The following NRP1 variants were observed in gnomAD, a reference collection of about 807,000 sequenced individuals.
NRP1 encodes the protein neuropilin-1.
NRP1 carries 35 observed loss-of-function variants against 106.7 expected under a neutral mutation model. The observed-to-expected ratio is 0.33, with a 90% CI of 0.25 to 0.43. The LOEUF (loss-of-function observed/expected upper bound fraction) is 0.43. NRP1 is among the 20% of genes least tolerant of loss of function. The pLI is 1.00. For missense variants in NRP1, 1,024 were observed against 1,170.4 expected (o/e 0.87, Z 1.83); for synonymous variants, 437 against 417.9 (o/e 1.05, Z -0.56).
chr10:33,221,407 G>A (rs1258542694), intron 8 of NRP1, among the ~76,000 whole-genome samples: 1 of 152,088 alleles, frequency 6.6e-6, no homozygotes, highest in Non-Finnish European at 1.5e-5. Context: ...GCTGTGCTAC[G>A]TGCTTATATC....
intron 6 of NRP1, among the ~76,000 whole-genome samples, chr10:33,235,501 G>A (rs1161351560): frequency 6.6e-6 from 1 of 152,244 alleles, no homozygotes; most frequent in Non-Finnish European, 1.5e-5. Flanking sequence ...AAAACGCTCA[G>A]CTTATTTTAT....
intron 2 of NRP1, among the ~76,000 whole-genome samples, chr10:33,308,347 A>G (rs1441235711): frequency 6.6e-6 from 1 of 150,758 alleles, no homozygotes; most frequent in East Asian, 1.9e-4. Flanking sequence ...CTGTACACGT[A>G]CAGGTTTATA....
rs750905931 is a variant in NRP1, at chr10:33,249,084, G to GTTTTTTTTTTTTTTTTTTTTTTTTT, written c.981+4943_981+4944insAAAAAAAAAAAAAAAAAAAAAAAAA. On this transcript the variant is annotated intron_variant, in intron 6 of 16. Coordinates refer to ENST00000374867, the MANE Select transcript of NRP1 (RefSeq NM_003873.7). Reference sequence around the variant, plus strand: ...ATCCCACCCAGGTATTATGTCTCTTGTTTTTTTTTTTTTTTTTTTTTTTTG... The same window carrying GTTTTTTTTTTTTTTTTTTTTTTTTT: ...ATCCCACCCAGGTATTATGTCTCTTGTTTTTTTTTTTTTTTTTTTTTTTTTTTTTTTTTTTTTTTTTTTTTTTTTG... Among the ~76,000 whole-genome samples, 2 of 72,202 alleles carry GTTTTTTTTTTTTTTTTTTTTTTTTT rather than the reference G, an allele frequency of 2.8e-5. 1 individual carries two copies. Among genetic ancestry groups the GTTTTTTTTTTTTTTTTTTTTTTTTT allele is most frequent in the African/African-American group, 1.2e-4 (2 of 17,356 alleles). 47.4% of individuals were successfully genotyped at this position (72,202 alleles called of 152,430 possible).
intron 4 of NRP1, among the ~76,000 whole-genome samples, chr10:33,260,866 C>T (rs1588870240): frequency 6.6e-6 from 1 of 151,778 alleles, no homozygotes; most frequent in Admixed American, 6.6e-5. Flanking sequence ...GGTTAAAAGC[C>T]TTCCACGCCT....
chr10:33,274,174 A>G (rs1452227443), intron 2 of NRP1, among the ~76,000 whole-genome samples: 1 of 152,200 alleles, frequency 6.6e-6, no homozygotes, highest in Non-Finnish European at 1.5e-5. Flanking sequence ...GTACTTTGCC[A>G]CAGTTTCAAC....
chr10:33,300,444 G>A (rs1050199092), intron 2 of NRP1, among the ~76,000 whole-genome samples: 1 of 152,190 alleles, frequency 6.6e-6, no homozygotes, highest in African/African-American at 2.4e-5. Flanking sequence ...TTTCCAAAGA[G>A]TTCGAGTTCC....
chr10:33,277,902 A>C (rs892721399), intron 2 of NRP1, among the ~76,000 whole-genome samples: 1 of 151,356 alleles, frequency 6.6e-6, no homozygotes, highest in East Asian at 1.9e-4. Context: ...CTGTCTTCCA[A>C]TTTGCTCTCT....
chr10:33,250,688 C>T (rs1402304816), intron 6 of NRP1, among the ~76,000 whole-genome samples: 1 of 152,206 alleles, frequency 6.6e-6, no homozygotes, highest in African/African-American at 2.4e-5. Context: ...AGTGTTTACT[C>T]GTTTCTCTGA....
At chr10:33,264,107 C>T (rs1283977551) in intron 3 of NRP1, among the ~76,000 whole-genome samples, 1 of 152,180 alleles carries the variant, frequency 6.6e-6, no homozygotes, top group African/African-American at 2.4e-5. Context: ...TTAAAGACTT[C>T]TGCTGTTGCA....
intron 6 of NRP1, among the ~76,000 whole-genome samples, chr10:33,235,727 A>T (rs561792876): frequency 1.3e-5 from 2 of 152,366 alleles, no homozygotes; most frequent in South Asian, 4.1e-4. Context: ...GGAGAAAATG[A>T]AATGGTGCTG....
Position 33,266,392 on chromosome 10 carries a change from C to T in NRP1, c.431-2519G>A, listed in dbSNP as rs141839915. ...CACCCGCTGTGTAAACTTGGGTGGCCTCTCAACATTTCTGGTTCTCAAATT... is the reference window on the plus strand; with the variant it reads ...CACCCGCTGTGTAAACTTGGGTGGCTTCTCAACATTTCTGGTTCTCAAATT... On this transcript the variant is annotated intron_variant, in intron 3 of 16. Coordinates refer to ENST00000374867, the MANE Select transcript of NRP1 (RefSeq NM_003873.7). Among the ~76,000 whole-genome samples, 728 of 152,304 alleles carry T rather than the reference C, an allele frequency of 4.8e-3. 4 individuals carry two copies. Among genetic ancestry groups the T allele is most frequent in the African/African-American group, 0.017 (687 of 41,570 alleles).
chr10:33,192,614 C>T (rs372431219), intron 12 of NRP1, among the ~76,000 whole-genome samples, 196 bp from the exon 13 acceptor site: 66 of 152,216 alleles, frequency 4.3e-4, no homozygotes, highest in Middle Eastern at 6.8e-3. Context: ...TGCAAAACCA[C>T]ATTTAGTAAT....
At position 33,329,291 on chromosome 10, in the gene NRP1, T is replaced by C. The variant is rs557616069; in HGVS notation, c.248+1417A>G. Reference sequence around the variant, plus strand: ...AGATAAATTGGAATTGGTGTAATTTTGTTGCACTGTAGTATACACTGATTA... The same window carrying C: ...AGATAAATTGGAATTGGTGTAATTTCGTTGCACTGTAGTATACACTGATTA... On this transcript the variant is annotated intron_variant, in intron 2 of 16. Transcript: ENST00000374867. Among the ~76,000 whole-genome samples, 31 of 152,352 alleles carry C rather than the reference T, an allele frequency of 2.0e-4. No homozygotes were observed. In the South Asian group the frequency reaches 6.4e-3, roughly 32 times the overall value.
intron 9 of NRP1, among the ~76,000 whole-genome samples, chr10:33,208,245 G>T (rs183261746): frequency 1.3e-5 from 2 of 152,258 alleles, no homozygotes; most frequent in East Asian, 1.9e-4. Context: ...TGGAGACAGG[G>T]TCTCATGATG....
chr10:33,240,405 A>AT lies in NRP1; in HGVS notation c.981+13622dup, dbSNP rs1840923253. 2.0e-5 allele frequency among the ~76,000 whole-genome samples: 3 copies of AT among 152,242 alleles called. No individual in the cohort carries two copies. In the South Asian group the frequency reaches 6.2e-4, roughly 32 times the overall value. On this transcript the variant is annotated intron_variant, in intron 6 of 16. Transcript: ENST00000374867. Reference sequence around the variant, plus strand: ...AAACACACACTTTTACTCAAACAGCATCTGTCTATTCCAGCACAAACAAAT... The same window carrying AT: ...AAACACACACTTTTACTCAAACAGCATTCTGTCTATTCCAGCACAAACAAAT...
intron 2 of NRP1, among the ~76,000 whole-genome samples, chr10:33,301,087 G>A (rs1441679183): frequency 1.3e-5 from 2 of 152,118 alleles, no homozygotes; most frequent in African/African-American, 2.4e-5. Context: ...TCCAAATCAG[G>A]ACGTTGCCAC....
intron 2 of NRP1, among the ~76,000 whole-genome samples, chr10:33,277,129 A>G (rs1452433572): frequency 2.0e-5 from 3 of 152,056 alleles, no homozygotes; most frequent in African/African-American, 7.2e-5. Context: ...AAAAAAAGAA[A>G]AAAAATTGCT....
chr10:33,327,512 C>T (rs1223583001), intron 2 of NRP1, among the ~76,000 whole-genome samples: 2 of 152,088 alleles, frequency 1.3e-5, no homozygotes, highest in African/African-American at 4.8e-5. Context: ...TTAACTGTGC[C>T]TAGTTTTGTG....
At chr10:33,233,030 C>T (rs1000297679) in intron 6 of NRP1, among the ~76,000 whole-genome samples, 24 of 152,100 alleles carry the variant, frequency 1.6e-4, no homozygotes, top group African/African-American at 5.6e-4. Context: ...TACCCTGTTT[C>T]CAATATGGAT....
Sources: gnomAD v4.1 joint callset for allele counts (sites outside exome capture counted in the v4.1 genomes callset) on GRCh38, gnomAD v4.1.1 for gene constraint, MANE v1.5 for transcripts, NCBI Gene and HGNC (gene_info 2026-07-23, HGNC 2026-07-21) for gene names.